NOL4L: variants seen among roughly 807,000 people sequenced by gnomAD.
NOL4L encodes nucleolar protein 4-like.
NOL4L carries 7 observed loss-of-function variants against 64.5 expected under a neutral mutation model. That is an observed-to-expected ratio of 0.11 (90% confidence interval 0.06 to 0.20). The LOEUF is 0.20. Among genes scored for constraint, NOL4L ranks in the 10% least tolerant of loss-of-function variants. The pLI is 1.00. For missense variants in NOL4L, 680 were observed against 967.1 expected (o/e 0.70, Z 3.94); for synonymous variants, 413 against 401.0 (o/e 1.03, Z -0.36).
At chr20:32,536,640 A>C (rs2018536792) in intron 1 of NOL4L, among the ~76,000 whole-genome samples, 1 of 148,864 alleles carries the variant, frequency 6.7e-6, no homozygotes, top group African/African-American at 2.5e-5. Flanking sequence ...AGGTAATGAG[A>C]GTAACCATGG....
rs541941649 is a variant in NOL4L at position 32,464,246 on chromosome 20, C to T, written c.842-7851G>A. ...GGCCAGCGCCCAGGCTGTGTTTACA[C>T]GATGCGTAGTTCCAAGGAGCACCAG... On this transcript the variant is annotated intron_variant, in intron 5 of 10. Coordinates refer to ENST00000621426, the MANE Select transcript of NOL4L (RefSeq NM_001256798.2). This position sits in a 1 kb window ranked among gnomAD's most constrained non-coding sequence, Gnocchi z 5.6. Among the ~76,000 whole-genome samples the T allele has an allele frequency of 3.7e-4, 56 of 152,338 alleles. No homozygotes were observed. The highest frequency in any genetic ancestry group is 3.4e-3 in the Middle Eastern group (1 of 294).
At chr20:32,509,923 C>CA in intron 4 of NOL4L, 1 of 1,304,194 alleles carries the variant, frequency 7.7e-7, no homozygotes, top group Non-Finnish European at 1.0e-6. Flanking sequence ...AGCCAGGTGC[C>CA]GGAGACAGTG....
In NOL4L at chr20:32,468,917, A is replaced by AG. The variant is rs1555792101; in HGVS notation, c.841+5683_841+5684insC. 3.5e-3 allele frequency among the ~76,000 whole-genome samples: 386 copies of AG among 109,778 alleles called. 5 individuals are homozygous for AG. Among genetic ancestry groups the AG allele is most frequent in the African/African-American group, 0.014 (366 of 25,446 alleles). The allele number at this position is 109,778 out of a possible 152,430, so 72.0% of individuals were successfully genotyped here. A position where few individuals can be genotyped will look rare whatever the true frequency, so the allele number is the denominator to read the frequency against. ...CTCCATCTCAAAAAAAAAAAAAAAA[A>AG]AAAGAAAGAAAGAAAGAAAGAAAAA... On this transcript the variant is annotated intron_variant, in intron 5 of 10. Coordinates refer to ENST00000621426, the MANE Select transcript of NOL4L (RefSeq NM_001256798.2).
chr20:32,541,296 CAG>C (rs1351933995), intron 1 of NOL4L, among the ~76,000 whole-genome samples: 1 of 152,192 alleles, frequency 6.6e-6, no homozygotes, highest in African/African-American at 2.4e-5. Flanking sequence ...CTACTGAGGA[CAG>C]AGTCTGGAAC....
chr20:32,513,428 C>T (rs986946455), intron 3 of NOL4L, among the ~76,000 whole-genome samples: 3 of 152,116 alleles, frequency 2.0e-5, no homozygotes, highest in Non-Finnish European at 2.9e-5. Context: ...GAAAGTAACT[C>T]GAGGTTACTG....
chr20:32,465,822 C>T (rs186758110), intron 5 of NOL4L, among the ~76,000 whole-genome samples: 5 of 152,312 alleles, frequency 3.3e-5, no homozygotes, highest in Admixed American at 6.5e-5. Flanking sequence ...CACCCTTGAA[C>T]AGGCTCCCGG....
chr20:32,558,283 T>C (rs1404758664), intron 1 of NOL4L, among the ~76,000 whole-genome samples: 1 of 152,054 alleles, frequency 6.6e-6, no homozygotes, highest in African/African-American at 2.4e-5. Flanking sequence ...CACTTCAACT[T>C]ATGGGCCTCA....
intron 4 of NOL4L, among the ~76,000 whole-genome samples, chr20:32,482,215 T>C (rs2015772096): frequency 6.6e-6 from 1 of 151,744 alleles, no homozygotes; most frequent in South Asian, 2.1e-4. Context: ...TCCATTGATC[T>C]GAGCCTCTTC....
chr20:32,474,888 G>A, intron 4 of NOL4L, 146 bp from the exon 5 acceptor site: 10 of 1,426,662 alleles, frequency 7.0e-6, no homozygotes, highest in Non-Finnish European at 9.2e-6. Context: ...GTGAGGGCTG[G>A]GTGGTGCTCC....
chr20:32,506,337 G>T (rs979813292), intron 4 of NOL4L, among the ~76,000 whole-genome samples: 5 of 151,768 alleles, frequency 3.3e-5, no homozygotes, highest in Non-Finnish European at 7.4e-5. Flanking sequence ...CCTCACCCAG[G>T]CCCTCTCTGC....
intron 4 of NOL4L, among the ~76,000 whole-genome samples, chr20:32,496,139 G>T (rs2016680380): frequency 6.6e-6 from 1 of 152,090 alleles, no homozygotes; most frequent in Admixed American, 6.5e-5. Flanking sequence ...TTTGAAGACG[G>T]CTCCCAGGCA....
chr20:32,538,342 G>A (rs1350293218), intron 1 of NOL4L, among the ~76,000 whole-genome samples: 1 of 152,152 alleles, frequency 6.6e-6, no homozygotes, highest in Non-Finnish European at 1.5e-5. Context: ...GGAGGGGCAG[G>A]AAGTGTCCAA....
chr20:32,517,425 T>A (rs2017717527), intron 3 of NOL4L, among the ~76,000 whole-genome samples: 1 of 152,178 alleles, frequency 6.6e-6, no homozygotes, highest in African/African-American at 2.4e-5. Context: ...TATAGCTGCA[T>A]CCAGTGGCCA....
chr20:32,575,508 G>C (rs958248851), intron 1 of NOL4L, among the ~76,000 whole-genome samples: 2 of 152,210 alleles, frequency 1.3e-5, no homozygotes, highest in African/African-American at 4.8e-5. Context: ...GCCCTGTCCC[G>C]TGGGAGGGTG....
At chr20:32,563,387 C>T (rs751004649) in intron 1 of NOL4L, among the ~76,000 whole-genome samples, 14 of 151,744 alleles carry the variant, frequency 9.2e-5, no homozygotes, top group Non-Finnish European at 1.0e-4. Context: ...CTATTCTAGG[C>T]ACATGGCCAA....
In NOL4L at chr20:32,520,929, G is replaced by A. The variant is rs889796748; in HGVS notation, c.478-7C>T. ...AGGCATAGGTCTCTGCGATCTGGAGGAGAGAAGAGCTTCGCTTGTTATATG... is the reference window on the plus strand; with the variant it reads ...AGGCATAGGTCTCTGCGATCTGGAGAAGAGAAGAGCTTCGCTTGTTATATG... On this transcript the variant is annotated splice_polypyrimidine_tract_variant and splice_region_variant and intron_variant, in intron 2 of 10. Coordinates refer to ENST00000621426, the MANE Select transcript of NOL4L (RefSeq NM_001256798.2). 11 of 1,539,264 alleles carry A rather than the reference G, an allele frequency of 7.1e-6. No homozygotes were observed. In the Admixed American group the frequency reaches 2.0e-4, roughly 28 times the overall value.
intron 1 of NOL4L, among the ~76,000 whole-genome samples, chr20:32,556,240 C>T (rs1978646193): frequency 6.6e-6 from 1 of 150,636 alleles, no homozygotes; most frequent in Non-Finnish European, 1.5e-5. Flanking sequence ...AACTTTTGAA[C>T]TTCAATCCTC....
At chr20:32,458,144 G>A (rs1014679610) in intron 5 of NOL4L, among the ~76,000 whole-genome samples, 9 of 152,166 alleles carry the variant, frequency 5.9e-5, no homozygotes, top group Non-Finnish European at 1.2e-4. Flanking sequence ...TGAGAGCCAG[G>A]CCTAATCCTC....
chr20:32,479,617 C>T (rs2015600177), intron 4 of NOL4L, among the ~76,000 whole-genome samples: 1 of 152,200 alleles, frequency 6.6e-6, no homozygotes. Flanking sequence ...TTCCCTCTCC[C>T]CAGTCCCCAT....
Sources: allele counts gnomAD v4.1 joint callset (sites outside exome capture counted in the v4.1 genomes callset), GRCh38; gene constraint gnomAD v4.1.1; non-coding constraint Gnocchi (gnomAD v3.1); transcripts MANE v1.5; gene names NCBI Gene and HGNC (gene_info 2026-07-23, HGNC 2026-07-21).